HMMR: variants seen among roughly 807,000 people sequenced by gnomAD.
HMMR encodes the protein intracellular hyaluronic acid-binding protein.
HMMR carries 108 observed loss-of-function variants against 101.0 expected under a neutral mutation model. That is an observed-to-expected ratio of 1.07 (90% CI 0.92 to 1.25). The LOEUF is 1.25. Among genes scored for constraint, HMMR ranks in the 50% most tolerant of loss-of-function variants. The pLI, the probability that HMMR is intolerant of heterozygous loss-of-function variation, is 0.00. For synonymous variants in HMMR, 296 were observed against 276.4 expected (o/e 1.07, Z -0.70); for missense variants, 813 against 788.7 (o/e 1.03, Z -0.37).
Position 163,466,527 on chromosome 5 carries a change from G to A in HMMR, c.226-1174G>A, listed in dbSNP as rs116008756. ...TTAATACATATTTAAAGACATACTC[G>A]ATTTTGTTAGTGGAACGCTTTTAAA... On this transcript the variant is annotated intron_variant, in intron 3 of 17. Coordinates refer to ENST00000393915, the MANE Select transcript of HMMR (RefSeq NM_001142556.2). Among the ~76,000 whole-genome samples the A allele has an allele frequency of 3.1e-3, 470 of 152,084 alleles. 1 individual carries two copies. Among genetic ancestry groups the A allele is most frequent in the African/African-American group, 0.01 (427 of 41,532 alleles).
At chr5:163,473,315 T>C (rs2113478308) in intron 8 of HMMR, 62 bp downstream of exon 8, 1 of 1,507,750 alleles carries the variant, frequency 6.6e-7, no homozygotes, top group Non-Finnish European at 9.1e-7. Context: ...ATTTTCATCA[T>C]TTTTCTGTTA....
At position 163,475,503 on chromosome 5, in the gene HMMR, G is replaced by A. The variant is rs1759038615; in HGVS notation, c.1099G>A (p.Glu367Lys). Reference sequence around the variant, plus strand: ...TCAGAAGCTCTGTTCTTTTCAAGAGGAAATGGTTAAAGAGAAGAATCTGTT... The same window carrying A: ...TCAGAAGCTCTGTTCTTTTCAAGAGAAAATGGTTAAAGAGAAGAATCTGTT... Reference protein sequence around the residue: ...LHQKLCSFQEEMVKEKNLFEE... With the variant: ...LHQKLCSFQEKMVKEKNLFEE... Residue 367 changes from glutamate (E) to lysine (K), a missense_variant, in exon 11 of 18, where the codon GAA becomes AAA. Coordinates refer to ENST00000393915, the MANE Select transcript of HMMR (RefSeq NM_001142556.2). 3 of 1,608,670 alleles carry A rather than the reference G, an allele frequency of 1.9e-6. No individual in the cohort carries two copies. Among genetic ancestry groups the A allele is most frequent in the South Asian group, 2.2e-5 (2 of 90,496 alleles).
intron 10 of HMMR, 62 bp downstream of exon 10, chr5:163,474,267 T>G: frequency 8.0e-7 from 1 of 1,251,648 alleles, no homozygotes; most frequent in Non-Finnish European, 1.1e-6. Flanking sequence ...CCTATGTCTC[T>G]GAACACCTTT....
At chr5:163,461,443 A>G (rs898959443) in intron 1 of HMMR, among the ~76,000 whole-genome samples, 2 of 152,130 alleles carry the variant, frequency 1.3e-5, no homozygotes, top group African/African-American at 2.4e-5. Flanking sequence ...TAACACCGCA[A>G]TGCACAGCAC....
chr5:163,491,401 C>T lies in HMMR; in HGVS notation c.*237C>T, dbSNP rs944134267. ...CATTCTGAACCCTTTCGCTGGCTTT[C>T]CAGCTTAGAATGCATCTCATCAACT... On this transcript the variant is annotated 3_prime_UTR_variant, in exon 18 of 18. Transcript: ENST00000393915. 3.0e-5 allele frequency: 11 copies of T among 372,034 alleles called. No individual in the cohort carries two copies. Among genetic ancestry groups the T allele is most frequent in the African/African-American group, 2.1e-4 (10 of 47,098 alleles). The allele number at this position is 372,034 out of a possible 1,614,324, so 23.0% of individuals were successfully genotyped here. A position where few individuals can be genotyped will look rare whatever the true frequency, so the allele number is the denominator to read the frequency against.
chr5:163,473,183 T>A lies in HMMR; in HGVS notation c.655T>A (p.Ser219Thr), dbSNP rs1450419602. The A allele has an allele frequency of 6.6e-7, 1 of 1,508,750 alleles. No homozygotes were observed. The highest frequency in any genetic ancestry group is 9.2e-7 in the Non-Finnish European group (1 of 1,090,800). 93.5% of individuals were successfully genotyped at this position (1,508,750 alleles called of 1,614,324 possible). ...KIAQLEGKLV[S>T]IEKEKIDEKS... ...CATATGCAATTTTTGTTTTAGTGTT[T>A]CAATAGAGAAAGAAAAGATTGATGA... The change falls in exon 8 of 18, where the codon TCA (serine) becomes ACA (threonine). Residue 219 changes from serine to threonine, a missense_variant. Coordinates refer to ENST00000393915, the MANE Select transcript of HMMR (RefSeq NM_001142556.2).
chr5:163,478,771 C>T lies in HMMR; in HGVS notation c.1356C>T (p.Ser452=). 3 of 1,608,004 alleles carry T rather than the reference C, an allele frequency of 1.9e-6. No homozygotes were observed. The highest frequency in any genetic ancestry group is 2.6e-6 in the Non-Finnish European group (3 of 1,174,480). Residue 452 remains serine, a synonymous_variant, in exon 12 of 18, where the codon AGC becomes AGT. Coordinates refer to ENST00000393915, the MANE Select transcript of HMMR (RefSeq NM_001142556.2). The part of the protein sequence containing the change: ...LQEKYDSMVQ[S]LEDVTAQFES... ...AAAAGTATGACAGTATGGTGCAAAG[C>T]CTTGAAGATGTTACTGCTCAATTTG...
At chr5:163,486,534 G>C (rs1305167606) in intron 16 of HMMR, among the ~76,000 whole-genome samples, 2 of 152,044 alleles carry the variant, frequency 1.3e-5, no homozygotes, top group African/African-American at 4.8e-5. Context: ...GATTCCTTAG[G>C]ATGTTCTTAT....
At chr5:163,461,067 G>C (rs374587815) in intron 1 of HMMR, among the ~76,000 whole-genome samples, 1 of 152,184 alleles carries the variant, frequency 6.6e-6, no homozygotes, top group Non-Finnish European at 1.5e-5. Context: ...TTTCAAGTCC[G>C]AGAGGGCCTC....
chr5:163,488,171 A>G (rs1056606519), intron 16 of HMMR, among the ~76,000 whole-genome samples: 5 of 152,052 alleles, frequency 3.3e-5, no homozygotes, highest in African/African-American at 1.2e-4. Flanking sequence ...TTTCTTTTTT[A>G]TAATTTCATC....
chr5:163,477,415 G>T (rs1759103970), intron 11 of HMMR, among the ~76,000 whole-genome samples: 1 of 152,058 alleles, frequency 6.6e-6, no homozygotes. Flanking sequence ...TGTCTCAGTG[G>T]ATACTTTTGT....
At chr5:163,468,566 C>T (rs755550580) in intron 4 of HMMR, among the ~76,000 whole-genome samples, 5 of 152,122 alleles carry the variant, frequency 3.3e-5, no homozygotes, top group Non-Finnish European at 5.9e-5. Context: ...TGTTGGCTTT[C>T]AACCAAGAGT....
intron 11 of HMMR, among the ~76,000 whole-genome samples, chr5:163,477,724 TTCTTTGA>T (rs1342507608): frequency 6.6e-6 from 1 of 152,200 alleles, no homozygotes; most frequent in Admixed American, 6.5e-5. Context: ...CAATCTTAGT[TTCTTTGA>T]TCTTCTACTT....
intron 7 of HMMR, among the ~76,000 whole-genome samples, 186 bp downstream of exon 7, chr5:163,471,649 A>G (rs1758894370): frequency 6.6e-6 from 1 of 152,200 alleles, no homozygotes; most frequent in South Asian, 2.1e-4. Flanking sequence ...ATGTTGTGCT[A>G]CAAAGTTGTA....
intron 11 of HMMR, 129 bp from the exon 12 acceptor site, chr5:163,478,555 A>G: frequency 6.2e-6 from 4 of 642,046 alleles, no homozygotes; most frequent in Non-Finnish European, 8.5e-6. Flanking sequence ...GATCTGAGCT[A>G]TTTAGCAGGT....
intron 16 of HMMR, among the ~76,000 whole-genome samples, chr5:163,487,261 T>C (rs1342764527): frequency 6.6e-6 from 1 of 152,226 alleles, no homozygotes; most frequent in Non-Finnish European, 1.5e-5. Context: ...TTTTTAGATA[T>C]TAATCTAACC....
intron 7 of HMMR, among the ~76,000 whole-genome samples, chr5:163,472,051 T>TTATTA (rs1554096712): frequency 1.4e-5 from 2 of 145,638 alleles, no homozygotes; most frequent in African/African-American, 2.7e-5. Context: ...ATTATTATTA[T>TTATTA]TTATTTTTTT....
chr5:163,482,544 A>T (rs1028701667), intron 12 of HMMR, 98 bp from the exon 13 acceptor site: 1 of 858,224 alleles, frequency 1.2e-6, no homozygotes, highest in Non-Finnish European at 1.8e-6. Context: ...AAAACTTTTT[A>T]GTTTTACTTA....
At chr5:163,468,153 T>C (rs1758761284) in intron 4 of HMMR, among the ~76,000 whole-genome samples, 1 of 152,242 alleles carries the variant, frequency 6.6e-6, no homozygotes, top group African/African-American at 2.4e-5. Context: ...GTGATGAAGT[T>C]AGGCTAACTC....
Sources: allele counts gnomAD v4.1 joint callset (sites outside exome capture counted in the v4.1 genomes callset), GRCh38; gene constraint gnomAD v4.1.1; transcripts MANE v1.5; gene names NCBI Gene and HGNC (gene_info 2026-07-23, HGNC 2026-07-21).